MGST1: variants seen among roughly 807,000 people sequenced by gnomAD.
MGST1 encodes microsomal glutathione S-transferase 1, also known as glutathione S-transferase 12.
In MGST1, 5 loss-of-function variants were observed where a neutral mutation model predicts 8.9. The observed-to-expected ratio is 0.56, with a 90% CI of 0.29 to 1.19. MGST1 has a LOEUF of 1.19. Ranked by LOEUF, MGST1 falls within the 50% of genes most tolerant of loss-of-function variation. MGST1 has a pLI of 0.08. For missense variants in MGST1, 182 were observed against 187.4 expected, an observed-to-expected ratio of 0.97 and a Z score of 0.17; for synonymous variants, 54 against 67.8, an observed-to-expected ratio of 0.80 and a Z score of 1.00.
chr12:16,462,134 T>G (rs1941225629), intron 4 of MGST1, among the ~76,000 whole-genome samples: 1 of 152,160 alleles, frequency 6.6e-6, no homozygotes, highest in African/African-American at 2.4e-5. Flanking sequence ...AGATACTACT[T>G]CATTATTAAA....
intron 4 of MGST1, among the ~76,000 whole-genome samples, chr12:16,529,975 C>T (rs1246790787): frequency 6.6e-6 from 1 of 152,094 alleles, no homozygotes; most frequent in African/African-American, 2.4e-5. Flanking sequence ...TTATAAGTTT[C>T]TGCAAATAGC....
intron 4 of MGST1, among the ~76,000 whole-genome samples, chr12:16,502,724 C>A (rs374029030): frequency 1.4e-4 from 21 of 152,248 alleles, no homozygotes; most frequent in African/African-American, 5.1e-4. Flanking sequence ...ATAGAAACAG[C>A]ACCCTCCTCT....
At chr12:16,561,226 G>A (rs770205190) in intron 4 of MGST1, among the ~76,000 whole-genome samples, 1 of 152,116 alleles carries the variant, frequency 6.6e-6, no homozygotes, top group East Asian at 1.9e-4. Flanking sequence ...CCTGAGAATC[G>A]TTATTGTAAT....
In MGST1 at chr12:16,354,419, T is replaced by C. The variant is rs200216598; in HGVS notation, c.126+41T>C. 33 of 1,568,288 alleles carry C rather than the reference T, an allele frequency of 2.1e-5. No individual in the cohort carries two copies. In the East Asian group the frequency reaches 7.0e-4, roughly 33 times the overall value. On this transcript the variant is annotated intron_variant, in intron 2 of 3. Transcript: ENST00000396210. The stretch of plus-strand genomic sequence containing the variant: ...GTAATATTTTCTTACTTTTAAGAGT[T>C]GGAATTCTGGAGAGCAGTTTTCTTA...
At chr12:16,539,646 C>G (rs1050342424) in intron 4 of MGST1, among the ~76,000 whole-genome samples, 2 of 152,180 alleles carry the variant, frequency 1.3e-5, no homozygotes, top group African/African-American at 4.8e-5. Context: ...GACTCTACCC[C>G]TGCTTTCATA....
At chr12:16,435,504 T>G (rs548917092) in intron 1 of MGST1, among the ~76,000 whole-genome samples, 1 of 152,144 alleles carries the variant, frequency 6.6e-6, no homozygotes, top group Non-Finnish European at 1.5e-5. Flanking sequence ...CTATGAATTT[T>G]TATTTATTTA....
exon 2 of MGST1, chr12:16,438,469 A>C (rs895106474): frequency 6.6e-6 from 1 of 151,880 alleles, no homozygotes; most frequent in Non-Finnish European, 1.5e-5. Context: ...GTTGCTTAGC[A>C]GGGTGATTTT....
intron 4 of MGST1, among the ~76,000 whole-genome samples, chr12:16,492,557 G>A (rs769463828): frequency 6.6e-6 from 1 of 152,114 alleles, no homozygotes; most frequent in Non-Finnish European, 1.5e-5. Flanking sequence ...AGAGAAATTA[G>A]TCAAACTGCT....
chr12:16,398,512 C>G (rs2137060144), intron 1 of MGST1, among the ~76,000 whole-genome samples: 1 of 152,264 alleles, frequency 6.6e-6, no homozygotes, highest in African/African-American at 2.4e-5. Flanking sequence ...CTAGATTTCA[C>G]TAGAAGCAGT....
chr12:16,578,589 G>A (rs1001033388), intron 4 of MGST1, among the ~76,000 whole-genome samples: 4 of 152,072 alleles, frequency 2.6e-5, no homozygotes, highest in Non-Finnish European at 2.9e-5. Flanking sequence ...AGGCTGAGGC[G>A]GGTGGATCAC....
intron 4 of MGST1, among the ~76,000 whole-genome samples, chr12:16,575,871 T>A (rs1942978355): frequency 6.6e-6 from 1 of 152,168 alleles, no homozygotes; most frequent in Admixed American, 6.5e-5. Context: ...CTACGTGACA[T>A]CCTTCTCTTC....
intron 4 of MGST1, among the ~76,000 whole-genome samples, chr12:16,457,344 G>T (rs1310936604): frequency 6.6e-6 from 1 of 151,830 alleles, no homozygotes; most frequent in Admixed American, 6.6e-5. Context: ...GCTCTAAATT[G>T]TCGTATTAAT....
intron 4 of MGST1, among the ~76,000 whole-genome samples, chr12:16,539,076 CAT>C (rs1223970439): frequency 2.0e-5 from 3 of 152,180 alleles, no homozygotes; most frequent in Admixed American, 6.5e-5. Flanking sequence ...TCTCCCACAA[CAT>C]GTGGGAATTA....
chr12:16,533,724 C>CA lies in MGST1; in HGVS notation n.483-55790dup, dbSNP rs5796678. On this transcript the variant is annotated intron_variant and non_coding_transcript_variant, in intron 4 of 4. Coordinates refer to the MGST1 transcript ENST00000538857. ...GGCACTTACAGTCTAGTGGGGGATG[C>CA]AAAAAAAAAAAAAAGTTTGTGATCA... 8.3e-3 allele frequency among the ~76,000 whole-genome samples: 1,197 copies of CA among 144,326 alleles called. 6 individuals carry two copies. The highest frequency in any genetic ancestry group is 0.014 in the African/African-American group (549 of 38,996). 94.7% of individuals were successfully genotyped at this position (144,326 alleles called of 152,430 possible). A position where few individuals can be genotyped will look rare whatever the true frequency, so the allele number is the denominator to read the frequency against.
chr12:16,502,045 C>T (rs970521487), intron 4 of MGST1, among the ~76,000 whole-genome samples: 5 of 152,088 alleles, frequency 3.3e-5, no homozygotes, highest in Non-Finnish European at 7.4e-5. Flanking sequence ...GTCTACAGCT[C>T]AAATCCGAAC....
chr12:16,464,958 C>T (rs1459443565), intron 4 of MGST1, among the ~76,000 whole-genome samples: 1 of 152,168 alleles, frequency 6.6e-6, no homozygotes, highest in Non-Finnish European at 1.5e-5. Flanking sequence ...CACGTATTTA[C>T]CTGACACAGC....
At chr12:16,536,116 T>C (rs1412732574) in intron 4 of MGST1, among the ~76,000 whole-genome samples, 2 of 144,842 alleles carry the variant, frequency 1.4e-5, no homozygotes, top group Non-Finnish European at 3.1e-5. Flanking sequence ...TGTGTGTGTG[T>C]GTCAGGTGAG....
chr12:16,465,462 T>G (rs1591737371), intron 4 of MGST1, among the ~76,000 whole-genome samples: 1 of 151,972 alleles, frequency 6.6e-6, no homozygotes, highest in East Asian at 1.9e-4. Flanking sequence ...TAGCAGGAGG[T>G]GAGCGTCGTG....
chr12:16,545,336 T>A (rs1179782258), intron 4 of MGST1, among the ~76,000 whole-genome samples: 2 of 152,080 alleles, frequency 1.3e-5, no homozygotes, highest in African/African-American at 4.8e-5. Flanking sequence ...AACATTATAT[T>A]TTATGCACCG....
Sources: gnomAD v4.1 joint callset for allele counts (sites outside exome capture counted in the v4.1 genomes callset) on GRCh38, gnomAD v4.1.1 for gene constraint, MANE v1.5 for transcripts, NCBI Gene and HGNC (gene_info 2026-07-23, HGNC 2026-07-21) for gene names.